Variants in CAMKMT observed in about 807,000 individuals in gnomAD.
The protein encoded by CAMKMT is CaM KMT.
A neutral mutation model predicts 48.0 loss-of-function variants in CAMKMT; 53 were observed. The observed-to-expected ratio is 1.10, with a 90% CI of 0.89 to 1.39. The LOEUF (loss-of-function observed/expected upper bound fraction) is 1.39. CAMKMT is among the 40% of genes most tolerant of loss of function. The pLI is 0.00. For synonymous variants in CAMKMT, 165 were observed against 152.3 expected, an observed-to-expected ratio of 1.08 and a Z score of -0.61; for missense variants, 428 against 402.7, an observed-to-expected ratio of 1.06 and a Z score of -0.54.
At chr2:44,673,408 G>T (rs979338968) in intron 3 of CAMKMT, among the ~76,000 whole-genome samples, 8 of 147,494 alleles carry the variant, frequency 5.4e-5, no homozygotes, top group Non-Finnish European at 1.0e-4. Context: ...CAGCCTGGGG[G>T]ACAGAATGAG....
At chr2:44,735,897 CAAACA>C (rs57656418) in intron 7 of CAMKMT, among the ~76,000 whole-genome samples, 26,821 of 149,678 alleles carry the variant, frequency 0.18, 2,600 homozygotes, top group South Asian at 0.24. Flanking sequence ...TGCTCTGTCT[CAAACA>C]AAACAAAACA....
intron 3 of CAMKMT, among the ~76,000 whole-genome samples, chr2:44,500,082 C>T (rs1406570996): frequency 6.6e-6 from 1 of 152,026 alleles, no homozygotes; most frequent in African/African-American, 2.4e-5. Flanking sequence ...TATTAAAATA[C>T]ATGAAAAGGA....
intron 3 of CAMKMT, among the ~76,000 whole-genome samples, chr2:44,552,073 G>A (rs1383231494): frequency 6.6e-6 from 1 of 152,070 alleles, no homozygotes; most frequent in Non-Finnish European, 1.5e-5. Flanking sequence ...TCTGGGCGTT[G>A]AATGTAAGCA....
intron 3 of CAMKMT, among the ~76,000 whole-genome samples, chr2:44,596,675 A>G (rs1230637851): frequency 1.3e-5 from 2 of 152,112 alleles, no homozygotes; most frequent in Non-Finnish European, 2.9e-5. Flanking sequence ...CTCAAGAGAC[A>G]ATGAGGTCAT....
At chr2:44,468,214 A>G (rs903464550) in intron 3 of CAMKMT, among the ~76,000 whole-genome samples, 11 of 152,216 alleles carry the variant, frequency 7.2e-5, no homozygotes, top group Non-Finnish European at 1.5e-4. Flanking sequence ...TTTTCAGCAG[A>G]AGTCATATTA....
At chr2:44,456,562 T>A (rs1211097338) in intron 3 of CAMKMT, 2 of 1,549,816 alleles carry the variant, frequency 1.3e-6, no homozygotes, top group Admixed American at 3.9e-5. Context: ...ATCCTTTCTC[T>A]TTTAGGGGAA....
chr2:44,766,375 A>G lies in CAMKMT; in HGVS notation c.763-55A>G. 3 of 1,602,598 alleles carry G rather than the reference A, an allele frequency of 1.9e-6. No individual in the cohort carries two copies. In the South Asian group the frequency reaches 3.3e-5, roughly 18 times the overall value. On this transcript the variant is annotated intron_variant, in intron 9 of 10. Transcript: ENST00000378494. Reference sequence around the variant, plus strand: ...TTAAATGCTTTGACCAATGTCTGTTATGTTTGGTTACCTTCCAGTTTTAAA... The same window carrying G: ...TTAAATGCTTTGACCAATGTCTGTTGTGTTTGGTTACCTTCCAGTTTTAAA...
At chr2:44,387,661 G>T (rs1327491466) in intron 2 of CAMKMT, among the ~76,000 whole-genome samples, 1 of 152,056 alleles carries the variant, frequency 6.6e-6, no homozygotes, top group Non-Finnish European at 1.5e-5. Flanking sequence ...CTACTTTGAT[G>T]TGTTTCCAGG....
chr2:44,573,698 T>A (rs1669046194), intron 3 of CAMKMT, among the ~76,000 whole-genome samples: 1 of 152,156 alleles, frequency 6.6e-6, no homozygotes, highest in Admixed American at 6.5e-5. Context: ...GTAATTTTTT[T>A]AAACATTTGG....
intron 3 of CAMKMT, among the ~76,000 whole-genome samples, chr2:44,565,945 T>C (rs565052289): frequency 5.8e-4 from 88 of 152,326 alleles, no homozygotes; most frequent in Non-Finnish European, 9.7e-4. Context: ...CCACAACATG[T>C]GTTTGTGTAA....
chr2:44,641,982 C>G (rs1010066016), intron 3 of CAMKMT, among the ~76,000 whole-genome samples: 1 of 152,204 alleles, frequency 6.6e-6, no homozygotes, highest in Non-Finnish European at 1.5e-5. Flanking sequence ...ATCTTGCCAC[C>G]TGACATCCTG....
At chr2:44,655,746 C>T (rs191401970) in intron 3 of CAMKMT, among the ~76,000 whole-genome samples, 2 of 152,202 alleles carry the variant, frequency 1.3e-5, no homozygotes, top group South Asian at 2.1e-4. Flanking sequence ...ACAGGGGAGG[C>T]GGGGAATGAG....
chr2:44,593,225 C>T (rs1292302638), intron 3 of CAMKMT, among the ~76,000 whole-genome samples: 1 of 152,186 alleles, frequency 6.6e-6, no homozygotes, highest in East Asian at 1.9e-4. Context: ...AGAAGTTTTT[C>T]TTGTCAGACT....
At chr2:44,668,625 T>C (rs1037570640) in intron 3 of CAMKMT, among the ~76,000 whole-genome samples, 2 of 152,214 alleles carry the variant, frequency 1.3e-5, no homozygotes, top group African/African-American at 4.8e-5. Context: ...CTTTACTTTT[T>C]TTGAAATACA....
intron 3 of CAMKMT, among the ~76,000 whole-genome samples, chr2:44,586,903 G>A (rs954428501): frequency 6.6e-6 from 1 of 152,184 alleles, no homozygotes; most frequent in Admixed American, 6.5e-5. Flanking sequence ...TTCCAGAGGG[G>A]TGGTTCTATT....
intron 3 of CAMKMT, among the ~76,000 whole-genome samples, chr2:44,494,721 T>A (rs192033454): frequency 3.7e-4 from 56 of 152,284 alleles, no homozygotes; most frequent in African/African-American, 1.3e-3. Flanking sequence ...CCAATTAGTA[T>A]AGGAAAGAGA....
chr2:44,606,090 T>C lies in CAMKMT; in HGVS notation c.377-98193T>C, dbSNP rs187557244. Among the ~76,000 whole-genome samples, 813 of 152,272 alleles carry C rather than the reference T, an allele frequency of 5.3e-3. 9 individuals are homozygous for C. Among genetic ancestry groups the C allele is most frequent in the Admixed American group, 0.026 (404 of 15,294 alleles). ...CAGGAACGTCAGTTAAATGTTTTTG[T>C]GTTTTGTGAGTGTTTGTGGCTATGT... On this transcript the variant is annotated intron_variant, in intron 3 of 10. Transcript: ENST00000378494.
At position 44,612,628 on chromosome 2, in the gene CAMKMT, T is replaced by C. The variant is rs538728030; in HGVS notation, c.377-91655T>C. On this transcript the variant is annotated intron_variant, in intron 3 of 10. Coordinates refer to ENST00000378494, the MANE Select transcript of CAMKMT (RefSeq NM_024766.5). ...TTTATTAGTTCCTATCATTAAAAGG[T>C]CCATGAATAGAAAATGGCTTACTTG... is the stretch of plus-strand genomic sequence containing the variant. Among the ~76,000 whole-genome samples, 26 of 152,260 alleles carry C rather than the reference T, an allele frequency of 1.7e-4. No individual in the cohort carries two copies. In the East Asian group the frequency reaches 1.9e-3, roughly 11 times the overall value.
chr2:44,405,280 G>C (rs1358988750), intron 3 of CAMKMT, among the ~76,000 whole-genome samples: 1 of 152,022 alleles, frequency 6.6e-6, no homozygotes, highest in Non-Finnish European at 1.5e-5. Context: ...AACATAACTT[G>C]AAAACAGTCT....
Sources: gnomAD v4.1 joint callset for allele counts (sites outside exome capture counted in the v4.1 genomes callset) on GRCh38, gnomAD v4.1.1 for gene constraint, MANE v1.5 for transcripts, NCBI Gene and HGNC (gene_info 2026-07-23, HGNC 2026-07-21) for gene names.